The following PIAS2 variants were observed in gnomAD, a reference collection of about 807,000 sequenced individuals.
PIAS2 encodes protein inhibitor of activated STAT 2.
A neutral mutation model predicts 69.7 loss-of-function variants in PIAS2; 19 were observed. The ratio of observed to expected loss-of-function variants is 0.27; its 90% confidence interval spans 0.19 to 0.40. The LOEUF is 0.40. PIAS2 is among the 10% of genes least tolerant of loss of function. The probability of loss-of-function intolerance (pLI) is 1.00; values close to 1 mark genes in which losing one functional copy is unlikely to be tolerated. For missense variants in PIAS2, 624 were observed against 757.0 expected (o/e 0.82, Z 2.06); for synonymous variants, 261 against 263.2 (o/e 0.99, Z 0.08).
intron 12 of PIAS2, chr18:46,816,485 CTTT>C (rs2041555622): frequency 1.0e-6 from 1 of 968,752 alleles, no homozygotes; most frequent in African/African-American, 1.8e-5. Flanking sequence ...TTTTTTTTTC[CTTT>C]TTTTGGGAGA....
At chr18:46,870,104 G>A (rs375143947) in intron 2 of PIAS2, among the ~76,000 whole-genome samples, 4 of 151,774 alleles carry the variant, frequency 2.6e-5, no homozygotes, top group Non-Finnish European at 4.4e-5. Flanking sequence ...CCAATGCCCC[G>A]TGCCCTCCCT....
intron 12 of PIAS2, 71 bp downstream of exon 12, chr18:46,820,862 G>A: frequency 1.4e-6 from 2 of 1,449,238 alleles, no homozygotes; most frequent in Non-Finnish European, 1.9e-6. Context: ...AACTATACTG[G>A]CTTCACAGAT....
intron 6 of PIAS2, among the ~76,000 whole-genome samples, chr18:46,845,367 T>C (rs957479960): frequency 1.3e-5 from 2 of 152,206 alleles, no homozygotes; most frequent in Non-Finnish European, 2.9e-5. Context: ...TACATGGCCT[T>C]TGAGTAAATC....
chr18:46,846,954 G>T, intron 5 of PIAS2, 113 bp from the exon 6 acceptor site: 1 of 926,882 alleles, frequency 1.1e-6, no homozygotes, highest in Non-Finnish European at 1.5e-6. Flanking sequence ...TTTTATTTTA[G>T]CCTAAAAATC....
chr18:46,911,031 A>T (rs1249796565), intron 1 of PIAS2, among the ~76,000 whole-genome samples: 1 of 152,166 alleles, frequency 6.6e-6, no homozygotes, highest in African/African-American at 2.4e-5. Flanking sequence ...ATGTGAAGTA[A>T]TCCCAGGATG....
chr18:46,829,592 A>G (rs1246319571), intron 10 of PIAS2, 142 bp downstream of exon 10: 4 of 697,174 alleles, frequency 5.7e-6, no homozygotes, highest in Non-Finnish European at 9.6e-6. Flanking sequence ...GAAAGAATAA[A>G]AATCATTTGG....
intron 13 of PIAS2, among the ~76,000 whole-genome samples, chr18:46,814,960 A>G (rs2041355672): frequency 6.6e-6 from 1 of 152,242 alleles, no homozygotes; most frequent in Non-Finnish European, 1.5e-5. Flanking sequence ...TTGATTTTCT[A>G]TATACAGAAT....
At chr18:46,834,239 T>C (rs115424472) in intron 9 of PIAS2, among the ~76,000 whole-genome samples, 1,989 of 152,098 alleles carry the variant, frequency 0.013, 41 homozygotes, top group African/African-American at 0.044. Context: ...TCTAAACACT[T>C]TCAAGGAAGA....
chr18:46,862,889 T>G (rs1035903572), intron 3 of PIAS2, among the ~76,000 whole-genome samples: 1 of 152,080 alleles, frequency 6.6e-6, no homozygotes, highest in Non-Finnish European at 1.5e-5. Flanking sequence ...GTATTTTTAG[T>G]AGAGATGGGT....
At chr18:46,899,102 T>C (rs551712607) in intron 1 of PIAS2, among the ~76,000 whole-genome samples, 2 of 150,836 alleles carry the variant, frequency 1.3e-5, no homozygotes, top group East Asian at 2.0e-4. Flanking sequence ...GTTATAAATA[T>C]AAAAAAATTC....
intron 11 of PIAS2, chr18:46,826,955 G>C (rs1193480931): frequency 6.6e-6 from 1 of 152,058 alleles, no homozygotes; most frequent in African/African-American, 2.4e-5. Context: ...GCCTAGATTT[G>C]GGGTGTAAAT....
At chr18:46,902,851 AG>A (rs1189083718) in intron 1 of PIAS2, among the ~76,000 whole-genome samples, 2 of 152,208 alleles carry the variant, frequency 1.3e-5, no homozygotes, top group Admixed American at 1.3e-4. Flanking sequence ...GCATGGTATT[AG>A]TGGAAGGGTA....
intron 9 of PIAS2, 110 bp from the exon 10 acceptor site, chr18:46,829,977 C>A: frequency 1.1e-6 from 1 of 928,732 alleles, no homozygotes; most frequent in Non-Finnish European, 1.6e-6. Flanking sequence ...AGCTGACCCC[C>A]TTTTCTTTTG....
At chr18:46,862,118 G>A (rs1204504016) in intron 3 of PIAS2, among the ~76,000 whole-genome samples, 1 of 152,140 alleles carries the variant, frequency 6.6e-6, no homozygotes, top group Non-Finnish European at 1.5e-5. Context: ...ATCACTTGAG[G>A]CCAGGAGTTC....
At chr18:46,919,679 A>G (rs1399415913), upstream of PIAS2, among the ~76,000 whole-genome samples, 1 of 152,326 alleles carries the variant, frequency 6.6e-6, no homozygotes, top group East Asian at 1.9e-4. Flanking sequence ...TTAAAATTTT[A>G]TGTTAAAAAA....
intron 2 of PIAS2, among the ~76,000 whole-genome samples, chr18:46,882,962 G>A (rs1480028393): frequency 6.6e-6 from 1 of 151,874 alleles, no homozygotes; most frequent in African/African-American, 2.4e-5. Flanking sequence ...CCTGGTGGCG[G>A]GTGCCTAGAA....
intron 8 of PIAS2, among the ~76,000 whole-genome samples, chr18:46,842,977 C>T (rs1362157604): frequency 6.6e-6 from 1 of 152,148 alleles, no homozygotes; most frequent in African/African-American, 2.4e-5. Flanking sequence ...TCTGCAAATA[C>T]CACTTTCCAG....
intron 5 of PIAS2, among the ~76,000 whole-genome samples, chr18:46,851,509 A>G (rs1250132137): frequency 6.6e-6 from 1 of 152,158 alleles, no homozygotes. Flanking sequence ...CAGTCTGTAC[A>G]CTGGCAGCCC....
chr18:46,818,295 G>T, intron 12 of PIAS2: 3 of 1,378,008 alleles, frequency 2.2e-6, no homozygotes, highest in Non-Finnish European at 2.8e-6. Flanking sequence ...TATGGCACTA[G>T]CAATAATAAG....
Sources: gnomAD v4.1 joint callset for allele counts (sites outside exome capture counted in the v4.1 genomes callset) on GRCh38, gnomAD v4.1.1 for gene constraint, MANE v1.5 for transcripts, NCBI Gene and HGNC (gene_info 2026-07-23, HGNC 2026-07-21) for gene names.